The following COL18A1 variants were observed in gnomAD, a reference collection of about 807,000 sequenced individuals.
COL18A1 encodes collagen alpha-1(XVIII) chain.
Under a neutral mutation model 168.0 loss-of-function variants are expected in COL18A1, and 133 were observed. That is an observed-to-expected ratio of 0.79 (90% CI 0.69 to 0.91). COL18A1 has a LOEUF of 0.91. Among genes scored for constraint, COL18A1 ranks in the 40% least tolerant of loss-of-function variants. COL18A1 has a pLI of 0.00. For synonymous variants in COL18A1, 949 were observed against 809.0 expected (o/e 1.17, Z -2.94); for missense variants, 2,126 against 1,925.4 (o/e 1.10, Z -1.95).
intron 35 of COL18A1, 31 bp downstream of exon 35, chr21:45,505,309 A>G: frequency 6.2e-7 from 1 of 1,602,756 alleles, no homozygotes; most frequent in Non-Finnish European, 8.5e-7. Context: ...CCCCGGGCAG[A>G]GGCCGCCTCG....
chr21:45,495,674 A>G (rs1441503821), intron 29 of COL18A1: 2 of 507,608 alleles, frequency 3.9e-6, no homozygotes, highest in Admixed American at 3.0e-5. Flanking sequence ...ACATATACAC[A>G]TGCATCTATG....
chr21:45,405,319 C>CTGGGTT (rs1491324273), intron 1 of COL18A1, 60 bp from the exon 2 acceptor site: 1 of 767,244 alleles, frequency 1.3e-6, no homozygotes, highest in African/African-American at 2.9e-5. Context: ...CGGGGCTCGG[C>CTGGGTT]CGGGTCCTGC....
In COL18A1 at chr21:45,498,697, G is replaced by A. The variant is rs770980083; in HGVS notation, c.2683+1036G>A. 2.8e-5 allele frequency: 18 copies of A among 648,240 alleles called. No individual in the cohort carries two copies. The highest frequency in any genetic ancestry group is 2.6e-4 in the Middle Eastern group (1 of 3,812). 40.2% of individuals were successfully genotyped at this position (648,240 alleles called of 1,614,324 possible). ...CCTTGGATCTCTCAGCGTCACACAC[G>A]ACGCCCAGGAAGGAGTGAATGATGC... On this transcript the variant is annotated intron_variant, in intron 32 of 41. Coordinates refer to ENST00000651438, the MANE Select transcript of COL18A1 (RefSeq NM_001379500.1). This position sits in a 1 kb window ranked among gnomAD's most constrained non-coding sequence, Gnocchi z 4.5.
At chr21:45,409,189 G>A (rs2033214150) in intron 2 of COL18A1, among the ~76,000 whole-genome samples, 1 of 152,150 alleles carries the variant, frequency 6.6e-6, no homozygotes, top group African/African-American at 2.4e-5. Flanking sequence ...GCCTGTCAGA[G>A]AACAAGACGA....
chr21:45,466,027 A>G (rs2035195327), intron 2 of COL18A1, among the ~76,000 whole-genome samples: 1 of 152,104 alleles, frequency 6.6e-6, no homozygotes, highest in Non-Finnish European at 1.5e-5. Flanking sequence ...AAAGCCGAGC[A>G]TGGGACTCAC....
intron 34 of COL18A1, 74 bp downstream of exon 34, chr21:45,504,630 C>CGGCCTT: frequency 7.4e-7 from 1 of 1,354,678 alleles, no homozygotes; most frequent in Non-Finnish European, 1.0e-6. Flanking sequence ...AGGTCCAGCC[C>CGGCCTT]GGCCTTCGAC....
chr21:45,442,252 G>T (rs1602393696), intron 2 of COL18A1, among the ~76,000 whole-genome samples: 1 of 152,222 alleles, frequency 6.6e-6, no homozygotes, highest in South Asian at 2.1e-4. Context: ...CCCGTTCTGT[G>T]CCCGTGCCTT....
chr21:45,479,180 GT>G (rs1406132140), intron 9 of COL18A1, among the ~76,000 whole-genome samples: 8 of 137,336 alleles, frequency 5.8e-5, no homozygotes, highest in Non-Finnish European at 9.7e-5. Context: ...GACTGCGCGT[GT>G]GTGTGGGGGG....
chr21:45,431,095 G>A (rs529282591), intron 2 of COL18A1, among the ~76,000 whole-genome samples: 32 of 152,322 alleles, frequency 2.1e-4, no homozygotes, highest in Non-Finnish European at 3.7e-4. Flanking sequence ...TGGGGGTGAC[G>A]CTCCTGTGCG....
At chr21:45,508,437 G>A (rs1409456504) in intron 38 of COL18A1, among the ~76,000 whole-genome samples, 1 of 147,562 alleles carries the variant, frequency 6.8e-6, no homozygotes, top group East Asian at 2.1e-4. Context: ...GATGGATGGT[G>A]GGTAAGTGGG....
intron 32 of COL18A1, 67 bp from the exon 33 acceptor site, chr21:45,503,944 G>A (rs922485325): frequency 3.8e-6 from 6 of 1,575,136 alleles, no homozygotes; most frequent in African/African-American, 1.3e-5. Flanking sequence ...AGTGCTGGGG[G>A]CTGCAGAGGG....
At chr21:45,410,937 A>G (rs1459869638) in intron 2 of COL18A1, among the ~76,000 whole-genome samples, 2 of 151,826 alleles carry the variant, frequency 1.3e-5, no homozygotes, top group East Asian at 3.9e-4. Context: ...GTCTGGACAC[A>G]CCTGGGCAGG....
intron 30 of COL18A1, 84 bp downstream of exon 30, chr21:45,496,652 C>T: frequency 2.5e-6 from 2 of 793,162 alleles, no homozygotes; most frequent in Non-Finnish European, 4.6e-6. Flanking sequence ...CTTCTTCTCC[C>T]CTGGCCTCTG....
intron 30 of COL18A1, 104 bp downstream of exon 30, chr21:45,496,672 G>T: frequency 1.3e-6 from 1 of 765,894 alleles, no homozygotes; most frequent in Non-Finnish European, 2.4e-6. Context: ...GCGTCTGGGG[G>T]TCCTTCTAGG....
In COL18A1 at chr21:45,450,630, G is replaced by A. The variant is rs567373982; in HGVS notation, c.107-17612G>A. ...GGCCAACAAGACAGGACAAACCCTG[G>A]CTCGGGGCAGGGCGGAGACAGTGGG... is the stretch of plus-strand genomic sequence containing the variant. On this transcript the variant is annotated intron_variant, in intron 2 of 41. Coordinates refer to ENST00000651438, the MANE Select transcript of COL18A1 (RefSeq NM_001379500.1). 3.3e-5 allele frequency among the ~76,000 whole-genome samples: 5 copies of A among 152,350 alleles called. No individual in the cohort carries two copies. In the South Asian group the frequency reaches 8.3e-4, roughly 25 times the overall value.
At chr21:45,488,535 G>A in intron 18 of COL18A1, 91 bp downstream of exon 18, 1 of 1,578,770 alleles carries the variant, frequency 6.3e-7, no homozygotes, top group Non-Finnish European at 8.7e-7. Flanking sequence ...CTTGCCTCGG[G>A]TTTTCTGATG....
intron 32 of COL18A1, among the ~76,000 whole-genome samples, chr21:45,503,601 A>C (rs1488851450): frequency 7.4e-6 from 1 of 135,832 alleles, no homozygotes; most frequent in East Asian, 2.3e-4. Flanking sequence ...TCACATGGAC[A>C]CAGGAAGGGG....
chr21:45,455,810 C>G, intron 2 of COL18A1: 1 of 1,613,436 alleles, frequency 6.2e-7, no homozygotes, highest in Non-Finnish European at 8.5e-7. Context: ...CCAGGACACC[C>G]CCACTTCTGC....
At position 45,504,431 on chromosome 21, in the gene COL18A1, C is replaced by T. The variant is rs753824908; in HGVS notation, c.2743C>T (p.Arg915Ter). Residue 915 changes from arginine to a stop codon, truncating the protein, a stop_gained, in exon 34 of 42, where the codon CGA (arginine) becomes TGA (stop). Transcript: ENST00000651438. LOFTEE classifies it high-confidence loss of function. ...EAEMKGEKGD[R>*]GDAGQKGERG... ...CCGTCCACAGGGGGAGAAGGGAGACCGAGGTGATGCAGGACAGAAAGGCGA... is the reference window on the plus strand; with the variant it reads ...CCGTCCACAGGGGGAGAAGGGAGACTGAGGTGATGCAGGACAGAAAGGCGA... The T allele has an allele frequency of 6.2e-6, 10 of 1,611,410 alleles. No individual in the cohort carries two copies. Among genetic ancestry groups the T allele is most frequent in the East Asian group, 2.2e-5 (1 of 44,858 alleles).
Sources: allele counts gnomAD v4.1 joint callset (sites outside exome capture counted in the v4.1 genomes callset), GRCh38; gene constraint gnomAD v4.1.1; non-coding constraint Gnocchi (gnomAD v3.1); transcripts MANE v1.5; gene names NCBI Gene and HGNC (gene_info 2026-07-23, HGNC 2026-07-21).